Variants in PELI1 observed in about 807,000 individuals in gnomAD.
The protein encoded by PELI1 is E3 ubiquitin-protein ligase pellino homolog 1.
In PELI1, 15 loss-of-function variants were observed where a neutral mutation model predicts 41.3. The ratio of observed to expected loss-of-function variants is 0.36; its 90% confidence interval spans 0.24 to 0.56. The LOEUF (loss-of-function observed/expected upper bound fraction) is 0.56. PELI1 is among the 20% of genes least tolerant of loss of function. The probability of loss-of-function intolerance (pLI) is 0.82; values close to 1 mark genes in which losing one functional copy is unlikely to be tolerated. For missense variants in PELI1, 403 were observed against 525.5 expected (o/e 0.77, Z 2.28); for synonymous variants, 178 against 180.1 (o/e 0.99, Z 0.09).
Position 64,104,782 on chromosome 2 carries a change from C to A in PELI1, c.120G>T (p.Arg40Ser). ...CCTTAGGTCTTTTAAACAAAGCAAA[C>A]CTACTTTTCCTCCTTCCTCTATCGC... ...PNGDRGRRKSRFALFKRPKAN... is the reference protein window; with the variant it reads ...PNGDRGRRKSSFALFKRPKAN... Residue 40 changes from arginine (R) to serine (S), a missense_variant, in exon 3 of 7, where the codon AGG becomes AGT. By Grantham distance (110) the Arg-to-Ser change is moderately radical. Transcript: ENST00000358912. 3.1e-6 allele frequency: 5 copies of A among 1,612,762 alleles called. No individual in the cohort carries two copies. The highest frequency in any genetic ancestry group is 4.2e-6 in the Non-Finnish European group (5 of 1,179,580).
rs1324818248 is a variant in PELI1 at position 64,094,247 on chromosome 2, C to T, written c.*455G>A. ...GTGTGACACCATCGTTACCATGCTA[C>T]TCTATCAAGAACATTCTAAGGTATT... On this transcript the variant is annotated 3_prime_UTR_variant, in exon 7 of 7. Transcript: ENST00000358912. 1 of 156,224 alleles carries T rather than the reference C, an allele frequency of 6.4e-6. No homozygotes were observed. The highest frequency in any genetic ancestry group is 2.4e-5 in the African/African-American group (1 of 41,418). 9.7% of individuals were successfully genotyped at this position (156,224 alleles called of 1,614,324 possible). A position where few individuals can be genotyped will look rare whatever the true frequency, so the allele number is the denominator to read the frequency against.
At chr2:64,119,930 T>C (rs932115941) in intron 1 of PELI1, among the ~76,000 whole-genome samples, 2 of 152,212 alleles carry the variant, frequency 1.3e-5, no homozygotes, top group Admixed American at 6.5e-5. Context: ...ACAATTCATA[T>C]GTAAAGAAAG....
chr2:64,104,512 TA>T (rs35582747), intron 3 of PELI1, 188 bp downstream of exon 3: 1 of 826,466 alleles, frequency 1.2e-6, no homozygotes, highest in Non-Finnish European at 1.6e-6. Context: ...ATTTTTTTTT[TA>T]AAAGTCCAAT....
intron 2 of PELI1, among the ~76,000 whole-genome samples, chr2:64,107,311 C>G (rs1558476017): frequency 6.6e-6 from 1 of 152,106 alleles, no homozygotes; most frequent in South Asian, 2.1e-4. Flanking sequence ...TAGTTAATGG[C>G]AAGTTTAAGT....
At chr2:64,099,408 C>T (rs763159541) in intron 4 of PELI1, among the ~76,000 whole-genome samples, 8 of 151,984 alleles carry the variant, frequency 5.3e-5, no homozygotes, top group African/African-American at 9.7e-5. Context: ...GCTTTGTGTT[C>T]GGTTTTTCTT....
intron 1 of PELI1, among the ~76,000 whole-genome samples, chr2:64,127,079 T>C (rs1267490732): frequency 6.6e-6 from 1 of 152,220 alleles, no homozygotes; most frequent in Non-Finnish European, 1.5e-5. Context: ...TTTATACTCT[T>C]AGAAAGATGG....
intron 1 of PELI1, among the ~76,000 whole-genome samples, chr2:64,128,243 G>C (rs558207987): frequency 9.2e-5 from 14 of 152,142 alleles, no homozygotes; most frequent in African/African-American, 3.4e-4. Context: ...TGCCTATTAT[G>C]GTTCAGATTC....
At chr2:64,105,499 G>C (rs1680590437) in intron 2 of PELI1, among the ~76,000 whole-genome samples, 1 of 152,072 alleles carries the variant, frequency 6.6e-6, no homozygotes, top group African/African-American at 2.4e-5. Context: ...ATGGAAACAA[G>C]TTAAAAACAA....
At chr2:64,104,665 A>T in intron 3 of PELI1, 36 bp downstream of exon 3, 1 of 1,538,928 alleles carries the variant, frequency 6.5e-7, no homozygotes, top group Non-Finnish European at 8.7e-7. Context: ...CAAATTCTCC[A>T]AGTTAATTTA....
intron 1 of PELI1, among the ~76,000 whole-genome samples, chr2:64,123,273 A>C (rs1681282221): frequency 6.6e-6 from 1 of 152,248 alleles, no homozygotes; most frequent in Non-Finnish European, 1.5e-5. Flanking sequence ...CAGATAGAGC[A>C]CTGCCTTCCT....
Position 64,104,688 on chromosome 2 carries a change from T to C in PELI1, c.201+13A>G. On this transcript the variant is annotated intron_variant, in intron 3 of 6. Transcript: ENST00000358912. ...CCAAGTTAATTTATGTAGCTTTTTT[T>C]TTTTTTTTTTACCTTTGCAGCCTGA... The C allele has an allele frequency of 6.4e-7, 1 of 1,555,942 alleles. No homozygotes were observed. Among genetic ancestry groups the C allele is most frequent in the Non-Finnish European group, 8.6e-7 (1 of 1,160,446 alleles).
intron 1 of PELI1, among the ~76,000 whole-genome samples, chr2:64,138,588 G>A (rs1427359039): frequency 5.9e-5 from 9 of 152,148 alleles, no homozygotes; most frequent in African/African-American, 1.2e-4. Flanking sequence ...TCTACTGGGC[G>A]TGGTGGCGTG....
chr2:64,092,874 A>G lies in PELI1; in HGVS notation c.*1828T>C, dbSNP rs1417527666. On this transcript the variant is annotated 3_prime_UTR_variant, in exon 7 of 7. Transcript: ENST00000358912. ...AATTCAATTATGTATTTTGAAAAGT[A>G]TTTACTTAGTTTAAATAAATTAATT... The G allele has an allele frequency of 6.6e-6, 1 of 152,250 alleles. No homozygotes were observed. The highest frequency in any genetic ancestry group is 2.4e-5 in the African/African-American group (1 of 41,454). The allele number at this position is 152,250 out of a possible 1,614,324, so 9.4% of individuals were successfully genotyped here. A position where few individuals can be genotyped will look rare whatever the true frequency, so the allele number is the denominator to read the frequency against.
chr2:64,112,320 G>A (rs917397862), intron 1 of PELI1, among the ~76,000 whole-genome samples: 10 of 152,154 alleles, frequency 6.6e-5, no homozygotes, highest in Non-Finnish European at 1.0e-4. Context: ...GTGGAATAAA[G>A]GGAATTTGGG....
chr2:64,117,768 G>C (rs903125616), intron 1 of PELI1, among the ~76,000 whole-genome samples: 4 of 151,976 alleles, frequency 2.6e-5, no homozygotes, highest in African/African-American at 9.7e-5. Context: ...GTTTTCAAAA[G>C]TAGCATCTAA....
intron 1 of PELI1, among the ~76,000 whole-genome samples, chr2:64,129,248 G>A (rs1681479996): frequency 6.6e-6 from 1 of 152,120 alleles, no homozygotes; most frequent in Admixed American, 6.5e-5. Context: ...TGTGTGGGTG[G>A]AGGAAAGAAA....
intron 1 of PELI1, among the ~76,000 whole-genome samples, chr2:64,110,248 A>AG (rs1491389754): frequency 6.8e-5 from 2 of 29,584 alleles, no homozygotes; most frequent in East Asian, 0.012. Context: ...CCGTCTCAAG[A>AG]AAAAAAAAAA....
intron 1 of PELI1, among the ~76,000 whole-genome samples, chr2:64,109,256 G>A (rs1278792580): frequency 6.6e-6 from 1 of 152,184 alleles, no homozygotes; most frequent in African/African-American, 2.4e-5. Context: ...CTATGACCTT[G>A]CCAAAGCAGT....
Position 64,144,365 on chromosome 2 carries a change from A to AGGCGGC in PELI1, c.-360_-355dup, listed in dbSNP as rs932708130. On this transcript the variant is annotated 5_prime_UTR_variant, in exon 1 of 7. Transcript: ENST00000358912. ...GGGCTGCTGCCGCTGCTGCTAGTGGAGGCGGCGGCGGCGCCCCCCGACGGT... is the reference window on the plus strand; with the variant it reads ...GGGCTGCTGCCGCTGCTGCTAGTGGAGGCGGCGGCGGCGGCGGCGCCCCCCGACGGT... The AGGCGGC allele has an allele frequency of 3.4e-5, 5 of 149,052 alleles. No homozygotes were observed. Among genetic ancestry groups the AGGCGGC allele is most frequent in the African/African-American group, 1.2e-4 (5 of 40,322 alleles). 9.2% of individuals were successfully genotyped at this position (149,052 alleles called of 1,614,324 possible).
Sources: gnomAD v4.1 joint callset for allele counts (sites outside exome capture counted in the v4.1 genomes callset) on GRCh38, gnomAD v4.1.1 for gene constraint, MANE v1.5 for transcripts, NCBI Gene and HGNC (gene_info 2026-07-23, HGNC 2026-07-21) for gene names.